Variants in SYNE1 observed in about 807,000 individuals in gnomAD.
The protein encoded by SYNE1 is nesprin-1.
In SYNE1, 616 loss-of-function variants were observed where a neutral mutation model predicts 1,111.0. That is an observed-to-expected ratio of 0.55 (90% CI 0.52 to 0.59). The LOEUF is 0.59. Among genes scored for constraint, SYNE1 ranks in the 20% least tolerant of loss-of-function variants. The pLI is 0.00. For missense variants in SYNE1, 10,006 were observed against 10,417.0 expected (o/e 0.96, Z 1.72); for synonymous variants, 3,855 against 3,825.8 (o/e 1.01, Z -0.28).
intron 62 of SYNE1, chr6:152,366,842 G>A (rs2097090524): frequency 2.7e-6 from 1 of 374,708 alleles, no homozygotes; most frequent in Admixed American, 3.6e-5. Context: ...GGGATGGGAG[G>A]AGAATTGGCT....
chr6:152,395,080 G>A (rs2154140141), intron 51 of SYNE1, among the ~76,000 whole-genome samples: 1 of 150,696 alleles, frequency 6.6e-6, no homozygotes, highest in Non-Finnish European at 1.5e-5. Context: ...ACCGCACCTG[G>A]CAAGCACTCT....
At chr6:152,336,753 G>C (rs2096399449) in intron 76 of SYNE1, 88 bp downstream of exon 76, 1 of 1,475,876 alleles carries the variant, frequency 6.8e-7, no homozygotes, top group Non-Finnish European at 9.4e-7. Context: ...AGACACTCAG[G>C]CATATTGAAG....
At chr6:152,535,749 C>A (rs1006584963) in intron 4 of SYNE1, among the ~76,000 whole-genome samples, 1 of 152,060 alleles carries the variant, frequency 6.6e-6, no homozygotes, top group Non-Finnish European at 1.5e-5. Flanking sequence ...AAACATCTAA[C>A]TTTTTACAAA....
At chr6:152,618,666 A>ATG (rs2099667691) in intron 3 of SYNE1, among the ~76,000 whole-genome samples, 3 of 152,194 alleles carry the variant, frequency 2.0e-5, no homozygotes, top group Non-Finnish European at 4.4e-5. Context: ...ATTGTGAACA[A>ATG]TAAAAAACAA....
intron 14 of SYNE1, among the ~76,000 whole-genome samples, chr6:152,477,335 A>G (rs755297728): frequency 2.0e-5 from 3 of 152,186 alleles, no homozygotes; most frequent in Non-Finnish European, 4.4e-5. Context: ...GGGAAGTTGT[A>G]ATTTCAAAAG....
chr6:152,232,402 C>T, intron 112 of SYNE1, 137 bp from the exon 113 acceptor site: 1 of 962,508 alleles, frequency 1.0e-6, no homozygotes, highest in South Asian at 1.4e-5. Context: ...GGAGATCTTA[C>T]CCTTTCTGAA....
intron 56 of SYNE1, among the ~76,000 whole-genome samples, chr6:152,380,795 G>A (rs760277188): frequency 3.9e-5 from 6 of 152,180 alleles, no homozygotes; most frequent in East Asian, 1.9e-4. Flanking sequence ...GTTTCCTACC[G>A]CAAATAATAA....
At chr6:152,518,415 GT>G (rs1334114939) in intron 6 of SYNE1, among the ~76,000 whole-genome samples, 1 of 151,902 alleles carries the variant, frequency 6.6e-6, no homozygotes, top group Non-Finnish European at 1.5e-5. Context: ...AGACGTGGTT[GT>G]TTAAAAGTGT....
chr6:152,380,837 T>C (rs998284493), intron 56 of SYNE1, among the ~76,000 whole-genome samples, 169 bp downstream of exon 56: 3 of 152,220 alleles, frequency 2.0e-5, no homozygotes, highest in Admixed American at 6.5e-5. Flanking sequence ...AAGTTTGATA[T>C]ATAAGAAAAG....
intron 3 of SYNE1, among the ~76,000 whole-genome samples, chr6:152,618,633 G>A (rs1444894960): frequency 6.6e-6 from 1 of 152,122 alleles, no homozygotes. Context: ...GGAAGGAATT[G>A]TTTGTTTTTA....
chr6:152,323,667 G>A lies in SYNE1; in HGVS notation c.15728C>T (p.Ser5243Leu). 6.2e-7 allele frequency: 1 copy of A among 1,614,210 alleles called. No homozygotes were observed. The highest frequency in any genetic ancestry group is 8.5e-7 in the Non-Finnish European group (1 of 1,180,038). ...AAGAAGAGTTAAGAGCTCTGCTTTC[G>A]ATGCTTTCTCTGCTGAACTTCCAGG... ...KLPGSSAEKA[S>L]KAELLTLLEY... Residue 5243 changes from serine (S) to leucine (L), a missense_variant, in exon 82 of 146, where the codon TCG becomes TTG. This residue lies in a region of SYNE1 where 4,955 missense variants were observed against 5,017.2 expected (regional missense o/e 0.99). Coordinates refer to ENST00000367255, the MANE Select transcript of SYNE1 (RefSeq NM_182961.4).
In SYNE1 at chr6:152,409,121, C is replaced by G. The variant is rs1245737156; in HGVS notation, c.6487G>C (p.Asp2163His). ...LSELKKIHSS[D>H]FSLVKTDMES... Reference sequence around the variant, plus strand: ...ATGTCTGTTTTCACCAAGCTGAAATCACTACTGTGAATTTTCTTCAGCTCA... The same window carrying G: ...ATGTCTGTTTTCACCAAGCTGAAATGACTACTGTGAATTTTCTTCAGCTCA... The change falls in exon 44 of 146, where the codon GAT becomes CAT. Residue 2163 changes from aspartate to histidine, a missense_variant. By Grantham distance (81) the Asp-to-His change is moderately conservative (BLOSUM62 -1). Coordinates refer to ENST00000367255, the MANE Select transcript of SYNE1 (RefSeq NM_182961.4). 6.2e-7 allele frequency: 1 copy of G among 1,614,054 alleles called. No homozygotes were observed. Among genetic ancestry groups the G allele is most frequent in the East Asian group, 2.2e-5 (1 of 44,892 alleles).
intron 3 of SYNE1, among the ~76,000 whole-genome samples, chr6:152,547,692 A>C (rs2099320915): frequency 1.3e-5 from 2 of 152,232 alleles, no homozygotes. Flanking sequence ...AGCAAATCAA[A>C]GGTATGAGTA....
intron 4 of SYNE1, among the ~76,000 whole-genome samples, chr6:152,528,624 T>C (rs2099178139): frequency 6.6e-6 from 1 of 152,006 alleles, no homozygotes. Flanking sequence ...AAAGGGAGAG[T>C]TAGAGATGCA....
intron 138 of SYNE1, 143 bp downstream of exon 138, chr6:152,143,480 G>A (rs2058882802): frequency 1.7e-6 from 2 of 1,209,070 alleles, no homozygotes; most frequent in Non-Finnish European, 2.4e-6. Context: ...AACAGGGCTT[G>A]GCTTTGCACA....
chr6:152,353,854 T>A, intron 67 of SYNE1, 110 bp from the exon 68 acceptor site: 1 of 1,396,570 alleles, frequency 7.2e-7, no homozygotes, highest in Non-Finnish European at 1.0e-6. Flanking sequence ...AAGATGTTTA[T>A]TTTGAGATTT....
intron 73 of SYNE1, 81 bp from the exon 74 acceptor site, chr6:152,344,308 C>T: frequency 6.3e-7 from 1 of 1,576,684 alleles, no homozygotes; most frequent in East Asian, 2.3e-5. Context: ...TGAAACATGA[C>T]CAGTACATCT....
intron 53 of SYNE1, among the ~76,000 whole-genome samples, chr6:152,388,838 C>A (rs1002147986): frequency 2.0e-4 from 31 of 152,212 alleles, no homozygotes; most frequent in African/African-American, 7.2e-4. Context: ...CATGTAACAT[C>A]TTATTCTAAC....
intron 137 of SYNE1, chr6:152,145,335 C>T: frequency 1.4e-6 from 1 of 732,292 alleles, no homozygotes; most frequent in Non-Finnish European, 2.4e-6. Context: ...TGGATTTAAC[C>T]AGCTGTTTTT....
Sources: gnomAD v4.1 joint callset for allele counts (sites outside exome capture counted in the v4.1 genomes callset) on GRCh38, gnomAD v4.1.1 for gene constraint, gnomAD v4.1.1 regional missense constraint, MANE v1.5 for transcripts, NCBI Gene and HGNC (gene_info 2026-07-23, HGNC 2026-07-21) for gene names.